Variants in AOC1 observed in about 807,000 individuals in gnomAD.
AOC1 encodes amine oxidase copper containing 1.
A neutral mutation model predicts 57.1 loss-of-function variants in AOC1; 58 were observed. The ratio of observed to expected loss-of-function variants is 1.02; its 90% CI spans 0.82 to 1.26. The LOEUF (loss-of-function observed/expected upper bound fraction) is 1.26. Among genes scored for constraint, AOC1 ranks in the 50% most tolerant of loss-of-function variants. The pLI is 0.00. For synonymous variants in AOC1, 401 were observed against 423.4 expected (o/e 0.95, Z 0.65); for missense variants, 917 against 1,005.3 (o/e 0.91, Z 1.19).
chr7:150,858,623 C>G (rs1246678758), intron 2 of AOC1, 140 bp from the exon 3 acceptor site: 1 of 945,240 alleles, frequency 1.1e-6, no homozygotes. Context: ...CCACAGCCGC[C>G]CAGGGCATCC....
chr7:150,860,621 C>T lies in AOC1; in HGVS notation c.1977C>T (p.Asn659=), dbSNP rs1799941329. The T allele has an allele frequency of 6.2e-7, 1 of 1,613,852 alleles. No individual in the cohort carries two copies. Among genetic ancestry groups the T allele is most frequent in the Non-Finnish European group, 8.5e-7 (1 of 1,179,900 alleles). The part of the protein sequence containing the change: ...VFEQFLHNNE[N]IENEDLVAWV... ...AGCAGTTTCTTCACAACAACGAGAA[C>T]ATTGAAAATGAGGTACTGCCCTGTC... Residue 659 remains asparagine (N), a synonymous_variant, in exon 4 of 5, where the codon AAC becomes AAT. Transcript: ENST00000360937.
chr7:150,861,066 G>T lies in AOC1; in HGVS notation c.2113G>T (p.Asp705Tyr), dbSNP rs937910580. Residue 705 changes from aspartate (D) to tyrosine (Y), a missense_variant, in exon 5 of 5, where the codon GAC (aspartate) becomes TAC (tyrosine). Coordinates refer to ENST00000360937, the MANE Select transcript of AOC1 (RefSeq NM_001091.4). This position sits in a 1 kb window ranked among gnomAD's most constrained non-coding sequence, Gnocchi z 4.5. The stretch of plus-strand genomic sequence containing the variant: ...CCGGCCATTCAACTTCTTCCCAGAG[G>T]ACCCCTCCCTGGCATCCAGAGACAC... ...LLRPFNFFPEDPSLASRDTVI... is the reference protein window; with the variant it reads ...LLRPFNFFPEYPSLASRDTVI... 1.9e-6 allele frequency: 3 copies of T among 1,614,102 alleles called. No homozygotes were observed. Among genetic ancestry groups the T allele is most frequent in the Non-Finnish European group, 1.7e-6 (2 of 1,179,998 alleles).
chr7:150,856,710 C>G lies in AOC1; in HGVS notation c.240C>G (p.Tyr80Ter), dbSNP rs1023129650. ...TCGAGATGCTGCTGCCCAAGAAGTA[C>G]CATGTGCTGAGGTTTCTGGATAAAG... ...FLIEMLLPKK[Y>*]HVLRFLDKGE... Residue 80 changes from tyrosine (Y) to a stop codon, truncating the protein, a stop_gained, in exon 2 of 5, where the codon TAC becomes TAG. Transcript: ENST00000360937. LOFTEE classifies it high-confidence loss of function. The surrounding 1 kb of genome is among the most constrained non-coding windows in gnomAD (Gnocchi z 5.2). 1.9e-6 allele frequency: 3 copies of G among 1,614,014 alleles called. No homozygotes were observed. Among genetic ancestry groups the G allele is most frequent in the African/African-American group, 1.3e-5 (1 of 74,918 alleles).
Position 150,859,007 on chromosome 7 carries a change from G to GC in AOC1, c.1820dup (p.Gly608ArgfsTer44). 1 of 1,589,708 alleles carries GC rather than the reference G, an allele frequency of 6.3e-7. No individual in the cohort carries two copies. The highest frequency in any genetic ancestry group is 8.6e-7 in the Non-Finnish European group (1 of 1,162,696). ...TCCACTCCATGGCCGACCAGGTGCTGCCCCCAGGCTGGCAGGAGGAGCAGG... is the reference window on the plus strand; with the variant it reads ...TCCACTCCATGGCCGACCAGGTGCTGCCCCCCAGGCTGGCAGGAGGAGCAGG... On this transcript the variant is annotated frameshift_variant, in exon 3 of 5. Coordinates refer to ENST00000360937, the MANE Select transcript of AOC1 (RefSeq NM_001091.4). LOFTEE classifies it high-confidence loss of function.
In AOC1 at chr7:150,857,486, T is replaced by C; in HGVS notation, c.1016T>C (p.Val339Ala). The C allele has an allele frequency of 6.2e-7, 1 of 1,613,428 alleles. No homozygotes were observed. The highest frequency in any genetic ancestry group is 8.5e-7 in the Non-Finnish European group (1 of 1,179,820). ...TCCTCCGGGCTGCAGGTCCTGAACGTGCACTTCGGCGGAGAGCGCATTGCC... is the reference window on the plus strand; with the variant it reads ...TCCTCCGGGCTGCAGGTCCTGAACGCGCACTTCGGCGGAGAGCGCATTGCC... ...RSSSGLQVLN[V>A]HFGGERIAYE... Residue 339 changes from valine to alanine, a missense_variant, in exon 2 of 5, where the codon GTG becomes GCG. By Grantham distance (64) the Val-to-Ala change is moderately conservative. Transcript: ENST00000360937. This position sits in a 1 kb window ranked among gnomAD's most constrained non-coding sequence, Gnocchi z 6.6.
Position 150,857,494 on chromosome 7 carries a change from G to C in AOC1, c.1024G>C (p.Gly342Arg), listed in dbSNP as rs370019044. The change falls in exon 2 of 5, where the codon GGC becomes CGC. Residue 342 changes from glycine to arginine, a missense_variant. Physicochemically the swap from Gly to Arg is moderately radical, Grantham distance 125. Coordinates refer to ENST00000360937, the MANE Select transcript of AOC1 (RefSeq NM_001091.4). This position sits in a 1 kb window ranked among gnomAD's most constrained non-coding sequence, Gnocchi z 6.6. ...SGLQVLNVHFGGERIAYEVSV... is the reference protein window; with the variant it reads ...SGLQVLNVHFRGERIAYEVSV... ...GCTGCAGGTCCTGAACGTGCACTTC[G>C]GCGGAGAGCGCATTGCCTATGAGGT... 22 of 1,613,584 alleles carry C rather than the reference G, an allele frequency of 1.4e-5. No individual in the cohort carries two copies. The highest frequency in any genetic ancestry group is 1.9e-5 in the Non-Finnish European group (22 of 1,179,904).
chr7:150,852,186 T>C (rs1280297456), upstream of AOC1: 1 of 152,370 alleles, frequency 6.6e-6, no homozygotes, highest in Non-Finnish European at 1.5e-5. The surrounding 1 kb of genome is among the most constrained non-coding windows in gnomAD (Gnocchi z 4.6). Flanking sequence ...ATCTGTCAGC[T>C]TCAGGTAAGA....
rs45498500 is a variant in AOC1, at chr7:150,860,706, C to G, written c.1989+73C>G. 1.1e-3 allele frequency: 1,681 copies of G among 1,548,260 alleles called. 18 individuals carry two copies. The African/African-American group carries it at 0.019, about 17-fold the overall frequency. On this transcript the variant is annotated intron_variant, in intron 4 of 4. Coordinates refer to ENST00000360937, the MANE Select transcript of AOC1 (RefSeq NM_001091.4). ...CAGCTCAGCCCAGGACCATCCTCAT[C>G]ACCATCAGGGAGTCCCAACCACCCT...
chr7:150,859,460 T>A (rs1799899480), intron 3 of AOC1, among the ~76,000 whole-genome samples: 1 of 151,994 alleles, frequency 6.6e-6, no homozygotes, highest in African/African-American at 2.4e-5. Flanking sequence ...TCCCAGCACT[T>A]TGGGAAGCTG....
chr7:150,860,712 C>T, intron 4 of AOC1, 79 bp downstream of exon 4: 2 of 1,524,000 alleles, frequency 1.3e-6, no homozygotes. Context: ...TCATCACCAT[C>T]AGGGAGTCCC....
Position 150,857,307 on chromosome 7 carries a change from GC to G in AOC1, c.841del (p.Leu281SerfsTer17), listed in dbSNP as rs764557382. The G allele has an allele frequency of 6.3e-7, 1 of 1,596,500 alleles. No homozygotes were observed. The highest frequency in any genetic ancestry group is 1.7e-5 in the Admixed American group (1 of 58,422). On this transcript the variant is annotated frameshift_variant, in exon 2 of 5. Coordinates refer to ENST00000360937, the MANE Select transcript of AOC1 (RefSeq NM_001091.4). LOFTEE classifies it high-confidence loss of function. The surrounding 1 kb of genome is among the most constrained non-coding windows in gnomAD (Gnocchi z 6.6). Reference protein sequence around the residue: ...GKGHDSTEEPPLFSSHKPRGD... With the variant: ...GKGHDSTEEPXLFSSHKPRGD... ...AGGGGCATGACAGCACAGAGGAGCCGCCCCTCTTCTCCTCCCACAAGCCCCG... is the reference window on the plus strand; with the variant it reads ...AGGGGCATGACAGCACAGAGGAGCCGCCCTCTTCTCCTCCCACAAGCCCCG...
At chr7:150,858,580 TGAGAG>T in intron 2 of AOC1, among the ~76,000 whole-genome samples, 178 bp from the exon 3 acceptor site, 1 of 152,064 alleles carries the variant, frequency 6.6e-6, no homozygotes, top group Non-Finnish European at 1.5e-5. Context: ...GCACAGCTCT[TGAGAG>T]GAACTTCCCA....
rs1563097836 is a variant in AOC1 at position 150,859,007 on chromosome 7, G to A, written c.1815G>A (p.Leu605=). 2.5e-6 allele frequency: 4 copies of A among 1,589,708 alleles called. No individual in the cohort carries two copies. The highest frequency in any genetic ancestry group is 1.3e-5 in the African/African-American group (1 of 74,498). ...LQIHSMADQV[L]PPGWQEEQAI... is the part of the protein sequence containing the mutation. ...TCCACTCCATGGCCGACCAGGTGCT[G>A]CCCCCAGGCTGGCAGGAGGAGCAGG... is the stretch of plus-strand genomic sequence containing the variant. The change falls in exon 3 of 5, where the codon CTG becomes CTA. Residue 605 remains leucine, a synonymous_variant. Transcript: ENST00000360937.
chr7:150,858,793 T>C lies in AOC1; in HGVS notation c.1601T>C (p.Met534Thr), dbSNP rs778477451. ...GTKNSFQTLQ[M>T]KLENITNPWS... Reference sequence around the variant, plus strand: ...AAGAACAGCTTCCAGACACTGCAGATGAAGCTAGAAAACATCACCAACCCC... The same window carrying C: ...AAGAACAGCTTCCAGACACTGCAGACGAAGCTAGAAAACATCACCAACCCC... The change falls in exon 3 of 5, where the codon ATG (methionine) becomes ACG (threonine). Residue 534 changes from methionine (M) to threonine (T), a missense_variant. Transcript: ENST00000360937. 14 of 1,609,896 alleles carry C rather than the reference T, an allele frequency of 8.7e-6. No homozygotes were observed. The highest frequency in any genetic ancestry group is 1.7e-5 in the Admixed American group (1 of 59,898).
chr7:150,856,782 T>G lies in AOC1; in HGVS notation c.312T>G (p.Gly104=). The G allele has an allele frequency of 6.2e-7, 1 of 1,614,122 alleles. No homozygotes were observed. Among genetic ancestry groups the G allele is most frequent in the Non-Finnish European group, 8.5e-7 (1 of 1,179,966 alleles). The change falls in exon 2 of 5, where the codon GGT becomes GGG. Residue 104 remains glycine, a synonymous_variant. Transcript: ENST00000360937. This position sits in a 1 kb window ranked among gnomAD's most constrained non-coding sequence, Gnocchi z 5.2. ...VREARAVIFF[G]DQEHPNVTEF... The stretch of plus-strand genomic sequence containing the variant: ...AAGCCCGTGCCGTCATCTTCTTTGG[T>G]GACCAGGAGCATCCCAATGTCACCG...
At chr7:150,859,644 A>C (rs1799906351) in intron 3 of AOC1, among the ~76,000 whole-genome samples, 1 of 147,566 alleles carries the variant, frequency 6.8e-6, no homozygotes, top group Admixed American at 6.8e-5. Context: ...CGGAGCTTGC[A>C]GTGAGCCGAG....
chr7:150,857,945 C>A lies in AOC1; in HGVS notation c.1475C>A (p.Pro492His), dbSNP rs2116836461. The A allele has an allele frequency of 1.2e-6, 2 of 1,609,046 alleles. No homozygotes were observed. The highest frequency in any genetic ancestry group is 1.7e-6 in the Non-Finnish European group (2 of 1,178,856). ...TGYVHATFYT[P>H]EGLRHGTRLH... ...TACGTCCACGCCACCTTCTACACCC[C>A]CGAGGGGCTGCGCCACGGCACTCGC... Residue 492 changes from proline to histidine, a missense_variant, in exon 2 of 5, where the codon CCC becomes CAC. By Grantham distance (77) the Pro-to-His change is moderately conservative. Transcript: ENST00000360937. This position sits in a 1 kb window ranked among gnomAD's most constrained non-coding sequence, Gnocchi z 6.6.
In AOC1 at chr7:150,857,307, G is replaced by A. The variant is rs967331841; in HGVS notation, c.837G>A (p.Pro279=). ...AGGGGCATGACAGCACAGAGGAGCC[G>A]CCCCTCTTCTCCTCCCACAAGCCCC... ...GGKGHDSTEE[P]PLFSSHKPRG... is the part of the protein sequence containing the mutation. The change falls in exon 2 of 5, where the codon CCG becomes CCA. Residue 279 remains proline, a synonymous_variant. Coordinates refer to ENST00000360937, the MANE Select transcript of AOC1 (RefSeq NM_001091.4). The surrounding 1 kb of genome is among the most constrained non-coding windows in gnomAD (Gnocchi z 6.6). 34 of 1,596,388 alleles carry A rather than the reference G, an allele frequency of 2.1e-5. No homozygotes were observed. Among genetic ancestry groups the A allele is most frequent in the Admixed American group, 5.1e-5 (3 of 58,402 alleles).
At chr7:150,860,694 G>A in intron 4 of AOC1, 61 bp downstream of exon 4, 1 of 1,572,448 alleles carries the variant, frequency 6.4e-7, no homozygotes. Flanking sequence ...CTCAGCCCAG[G>A]ACCATCCTCA....
Sources: gnomAD v4.1 joint callset for allele counts (sites outside exome capture counted in the v4.1 genomes callset) on GRCh38, gnomAD v4.1.1 for gene constraint, Gnocchi (gnomAD v3.1) non-coding constraint, MANE v1.5 for transcripts, NCBI Gene and HGNC (gene_info 2026-07-23, HGNC 2026-07-21) for gene names.